CLEC4D: variants seen among roughly 807,000 people sequenced by gnomAD.
CLEC4D encodes the protein C-type (calcium dependent, carbohydrate-recognition domain) lectin, superfamily member 8.
CLEC4D carries 21 observed loss-of-function variants against 21.1 expected under a neutral mutation model. That is an observed-to-expected ratio of 1.00 (90% CI 0.71 to 1.43). The LOEUF is 1.43. CLEC4D is among the 40% of genes most tolerant of loss of function. CLEC4D has a pLI of 0.00. For missense variants in CLEC4D, 289 were observed against 260.7 expected, an observed-to-expected ratio of 1.11 and a Z score of -0.75; for synonymous variants, 85 against 83.1, an observed-to-expected ratio of 1.02 and a Z score of -0.12.
the CLEC4D span, among the ~76,000 whole-genome samples, chr12:8,530,242 G>A: frequency 6.6e-6 from 1 of 152,094 alleles, no homozygotes; most frequent in Non-Finnish European, 1.5e-5. Context: ...GCCATTAGAA[G>A]CATTTTCTTT....
At chr12:8,517,526 T>C (rs1940396545) in intron 2 of CLEC4D, among the ~76,000 whole-genome samples, 1 of 148,922 alleles carries the variant, frequency 6.7e-6, no homozygotes, top group Non-Finnish European at 1.5e-5. Context: ...AAGGTGAAAG[T>C]ATTTTAGAAA....
downstream of CLEC4D, among the ~76,000 whole-genome samples, chr12:8,523,074 G>T (rs1039740568): frequency 1.3e-5 from 2 of 152,168 alleles, no homozygotes; most frequent in African/African-American, 4.8e-5. Context: ...TTTGGGACCA[G>T]TACCATACTG....
At chr12:8,515,719 C>T (rs1940370844) in intron 2 of CLEC4D, among the ~76,000 whole-genome samples, 1 of 152,072 alleles carries the variant, frequency 6.6e-6, no homozygotes, top group South Asian at 2.1e-4. Context: ...CTCTTTCCCT[C>T]TCTTTCTTTC....
Position 8,519,035 on chromosome 12 carries a change from G to T in CLEC4D, c.259G>T (p.Asp87Tyr). 1 of 1,613,966 alleles carries T rather than the reference G, an allele frequency of 6.2e-7. No homozygotes were observed. Among genetic ancestry groups the T allele is most frequent in the South Asian group, 1.1e-5 (1 of 91,024 alleles). Reference sequence around the variant, plus strand: ...GAGCACCTGGAACTGTTGTCCTATTGACTGGAGAGCCTTCCAGTCCAACTG... The same window carrying T: ...GAGCACCTGGAACTGTTGTCCTATTTACTGGAGAGCCTTCCAGTCCAACTG... ...EGSTWNCCPI[D>Y]WRAFQSNCYF... The change falls in exon 4 of 6, where the codon GAC (aspartate) becomes TAC (tyrosine). Residue 87 changes from aspartate to tyrosine, a missense_variant. Coordinates refer to ENST00000299665, the MANE Select transcript of CLEC4D (RefSeq NM_080387.5).
intron 3 of CLEC4D, 87 bp downstream of exon 3, chr12:8,518,361 G>A (rs1940412496): frequency 1.5e-6 from 1 of 676,306 alleles, no homozygotes. Context: ...AGTGAACCAG[G>A]AAAGATTAAA....
chr12:8,530,120 A>G, the CLEC4D span, among the ~76,000 whole-genome samples: 1 of 152,248 alleles, frequency 6.6e-6, no homozygotes, highest in Non-Finnish European at 1.5e-5. Context: ...AGCATCATCT[A>G]GTAAAATCAA....
At chr12:8,523,817 T>C (rs1940484939), downstream of CLEC4D, among the ~76,000 whole-genome samples, 1 of 152,188 alleles carries the variant, frequency 6.6e-6, no homozygotes, top group Non-Finnish European at 1.5e-5. Context: ...CCATTCAATA[T>C]GATATATTGG....
downstream of CLEC4D, among the ~76,000 whole-genome samples, chr12:8,524,787 T>C (rs1940494729): frequency 6.6e-6 from 1 of 152,208 alleles, no homozygotes; most frequent in African/African-American, 2.4e-5. Context: ...TTAATTGTGA[T>C]GTTACAGTGT....
At chr12:8,516,388 A>G (rs1940382161) in intron 2 of CLEC4D, among the ~76,000 whole-genome samples, 1 of 152,250 alleles carries the variant, frequency 6.6e-6, no homozygotes. Context: ...GATTATATAC[A>G]AATTTTTTCA....
intron 5 of CLEC4D, among the ~76,000 whole-genome samples, chr12:8,520,838 G>A (rs1011955096): frequency 6.6e-6 from 1 of 152,092 alleles, no homozygotes; most frequent in Admixed American, 6.6e-5. Flanking sequence ...ATTTCAACAT[G>A]TGATCATTAT....
At chr12:8,514,376 G>T (rs1444278786) in intron 1 of CLEC4D, among the ~76,000 whole-genome samples, 5 of 152,032 alleles carry the variant, frequency 3.3e-5, no homozygotes, top group African/African-American at 1.2e-4. Context: ...ATATCATTGT[G>T]TGAAGGGACC....
In CLEC4D at chr12:8,513,739, C is replaced by A; in HGVS notation, c.7C>A (p.Leu3Ile). The A allele has an allele frequency of 8.8e-7, 1 of 1,141,648 alleles. No individual in the cohort carries two copies. Among genetic ancestry groups the A allele is most frequent in the Non-Finnish European group, 1.3e-6 (1 of 750,940 alleles). The allele number at this position is 1,141,648 out of a possible 1,614,324, so 70.7% of individuals were successfully genotyped here. The change falls in exon 1 of 6, where the codon CTA becomes ATA. Residue 3 changes from leucine (L) to isoleucine (I), a missense_variant. Physicochemically the swap from Leu to Ile is conservative, Grantham distance 5. Coordinates refer to ENST00000299665, the MANE Select transcript of CLEC4D (RefSeq NM_080387.5). Reference protein sequence around the residue: MGLEKPQSKLEGG... With the variant: MGIEKPQSKLEGG... Reference sequence around the variant, plus strand: ...ACAAGAGACTAATTAGACAATGGGGCTAGAAAAACCTCAAAGTAAACGTGA... The same window carrying A: ...ACAAGAGACTAATTAGACAATGGGGATAGAAAAACCTCAAAGTAAACGTGA...
In CLEC4D at chr12:8,521,328, G is replaced by C; in HGVS notation, c.*57G>C. 6.4e-7 allele frequency: 1 copy of C among 1,566,248 alleles called. No individual in the cohort carries two copies. The highest frequency in any genetic ancestry group is 8.6e-7 in the Non-Finnish European group (1 of 1,160,612). ...AGAAAAGAAAAACCAATTAGAATAAGGCAGAATGTACGTGCGTCATTGGAA... is the reference window on the plus strand; with the variant it reads ...AGAAAAGAAAAACCAATTAGAATAACGCAGAATGTACGTGCGTCATTGGAA... On this transcript the variant is annotated 3_prime_UTR_variant, in exon 6 of 6. Transcript: ENST00000299665.
intron 2 of CLEC4D, among the ~76,000 whole-genome samples, chr12:8,516,259 C>A (rs74995248): frequency 0.01 from 1,546 of 152,150 alleles, 31 homozygotes; most frequent in African/African-American, 0.034. Context: ...TAAACATTGA[C>A]AAATTATACT....
chr12:8,517,814 C>T (rs184004857), intron 2 of CLEC4D, among the ~76,000 whole-genome samples: 1,557 of 151,998 alleles, frequency 0.01, 33 homozygotes, highest in African/African-American at 0.034. Context: ...GACGTGGTGG[C>T]GGGCGCCTGT....
In CLEC4D at chr12:8,522,239, T is replaced by C. The variant is rs908440326; in HGVS notation, c.*968T>C. 6.6e-6 allele frequency: 1 copy of C among 152,182 alleles called. No homozygotes were observed. The highest frequency in any genetic ancestry group is 1.5e-5 in the Non-Finnish European group (1 of 68,000). The allele number at this position is 152,182 out of a possible 1,614,324, so 9.4% of individuals were successfully genotyped here. A position where few individuals can be genotyped will look rare whatever the true frequency, so the allele number is the denominator to read the frequency against. On this transcript the variant is annotated 3_prime_UTR_variant, in exon 6 of 6. Transcript: ENST00000299665. ...TAATGTTTCTTTAGAGCTGTATAACTATAGTTTGAACTAGCAAGGAAGTTA... is the reference window on the plus strand; with the variant it reads ...TAATGTTTCTTTAGAGCTGTATAACCATAGTTTGAACTAGCAAGGAAGTTA...
chr12:8,527,019 T>G (rs1022346342), downstream of CLEC4D, among the ~76,000 whole-genome samples: 6 of 152,112 alleles, frequency 3.9e-5, no homozygotes, highest in African/African-American at 1.4e-4. Context: ...CTCCCGTGCT[T>G]GCAGATGTCA....
the CLEC4D span, among the ~76,000 whole-genome samples, chr12:8,530,823 A>G: frequency 2.6e-5 from 4 of 152,238 alleles, no homozygotes; most frequent in Admixed American, 6.5e-5. Flanking sequence ...ACAAAAATCA[A>G]CAATATAATA....
chr12:8,519,235 T>G, intron 4 of CLEC4D, 75 bp downstream of exon 4: 1 of 1,525,472 alleles, frequency 6.6e-7, no homozygotes, highest in Non-Finnish European at 8.8e-7. Flanking sequence ...TTCTCTGTCC[T>G]GTTATGCCTC....
Sources: gnomAD v4.1 joint callset for allele counts (sites outside exome capture counted in the v4.1 genomes callset) on GRCh38, gnomAD v4.1.1 for gene constraint, MANE v1.5 for transcripts, NCBI Gene and HGNC (gene_info 2026-07-23, HGNC 2026-07-21) for gene names.